The following PEAK1 variants were observed in gnomAD, a reference collection of about 807,000 sequenced individuals.
PEAK1 encodes inactive tyrosine-protein kinase PEAK1.
In PEAK1, 54 loss-of-function variants were observed where a neutral mutation model predicts 124.7. The observed-to-expected ratio is 0.43, with a 90% CI of 0.35 to 0.54. The LOEUF is 0.54. Among genes scored for constraint, PEAK1 ranks in the 20% least tolerant of loss-of-function variants. PEAK1 has a pLI of 0.01. For synonymous variants in PEAK1, 719 were observed against 760.0 expected (o/e 0.95, Z 0.89); for missense variants, 2,046 against 2,134.5 (o/e 0.96, Z 0.82).
chr15:77,381,893 A>G (rs1238446204), intron 1 of PEAK1, among the ~76,000 whole-genome samples: 1 of 152,194 alleles, frequency 6.6e-6, no homozygotes, highest in African/African-American at 2.4e-5. Flanking sequence ...AGTGGGACTA[A>G]AAGAAATGAG....
In PEAK1 at chr15:77,114,140, A is replaced by G; in HGVS notation, c.*16T>C. The G allele has an allele frequency of 1.2e-6, 2 of 1,606,488 alleles. No individual in the cohort carries two copies. Among genetic ancestry groups the G allele is most frequent in the African/African-American group, 1.3e-5 (1 of 74,908 alleles). ...AAGAAGGTGAAGATGTAGTAAAAGC[A>G]TCATCCAGGTACACATTAACGGTGC... On this transcript the variant is annotated 3_prime_UTR_variant, in exon 10 of 10. Transcript: ENST00000682557.
At chr15:77,398,025 A>G (rs2071045495) in intron 1 of PEAK1, among the ~76,000 whole-genome samples, 1 of 152,238 alleles carries the variant, frequency 6.6e-6, no homozygotes, top group Admixed American at 6.5e-5. Flanking sequence ...AGATCGTGCC[A>G]CTGCACTCCA....
At chr15:77,198,460 T>G (rs980699295) in intron 6 of PEAK1, among the ~76,000 whole-genome samples, 2 of 152,192 alleles carry the variant, frequency 1.3e-5, no homozygotes, top group African/African-American at 2.4e-5. Context: ...TTGCTTGTTA[T>G]GTACTGTAGT....
At chr15:77,119,772 G>A (rs2051743169) in intron 9 of PEAK1, among the ~76,000 whole-genome samples, 1 of 152,204 alleles carries the variant, frequency 6.6e-6, no homozygotes, top group African/African-American at 2.4e-5. Flanking sequence ...TGTTGCTCAT[G>A]ACAACTGCCC....
chr15:77,261,637 T>C (rs2061446436), intron 5 of PEAK1, among the ~76,000 whole-genome samples: 1 of 152,142 alleles, frequency 6.6e-6, no homozygotes, highest in Non-Finnish European at 1.5e-5. Flanking sequence ...ATCTGATTGG[T>C]GTACCTGAAA....
intron 1 of PEAK1, among the ~76,000 whole-genome samples, chr15:77,384,174 G>C (rs2069721233): frequency 6.6e-6 from 1 of 150,708 alleles, no homozygotes; most frequent in Non-Finnish European, 1.5e-5. Context: ...AACCTAGCTA[G>C]ATCTGAAATT....
At chr15:77,349,417 T>G in intron 2 of PEAK1, 2 of 979,230 alleles carry the variant, frequency 2.0e-6, no homozygotes, top group Non-Finnish European at 2.4e-6. Context: ...GTCAATCAGT[T>G]TAACATAAAA....
intron 2 of PEAK1, among the ~76,000 whole-genome samples, chr15:77,325,711 C>T (rs2065531524): frequency 6.6e-6 from 1 of 152,056 alleles, no homozygotes; most frequent in Admixed American, 6.6e-5. Context: ...TAATAATATA[C>T]AAACCAAATT....
At chr15:77,306,520 T>C (rs2064113578) in intron 2 of PEAK1, among the ~76,000 whole-genome samples, 1 of 152,192 alleles carries the variant, frequency 6.6e-6, no homozygotes, top group Non-Finnish European at 1.5e-5. Context: ...AGAATAGTTA[T>C]AATCACTTAA....
At chr15:77,140,759 G>C (rs1289887928) in intron 8 of PEAK1, among the ~76,000 whole-genome samples, 1 of 149,980 alleles carries the variant, frequency 6.7e-6, no homozygotes, top group Non-Finnish European at 1.5e-5. Context: ...TTCCCAGACA[G>C]GGTCTTCCTT....
chr15:77,402,618 G>A (rs913174110), intron 1 of PEAK1: 3 of 984,124 alleles, frequency 3.0e-6, no homozygotes, highest in East Asian at 1.1e-4. Flanking sequence ...GGTACAAAGT[G>A]GGGGCATATA....
At chr15:77,263,857 A>G (rs2061572134) in intron 5 of PEAK1, among the ~76,000 whole-genome samples, 1 of 152,194 alleles carries the variant, frequency 6.6e-6, no homozygotes, top group Admixed American at 6.5e-5. Context: ...AAAAATCCTC[A>G]ATAAAATACT....
chr15:77,317,120 C>G (rs2153010901), intron 2 of PEAK1, among the ~76,000 whole-genome samples: 1 of 151,970 alleles, frequency 6.6e-6, no homozygotes, highest in South Asian at 2.1e-4. Context: ...ATACGCACAG[C>G]AAATTCTCAT....
Position 77,348,634 on chromosome 15 carries a change from C to A in PEAK1, c.-603+16529G>T, listed in dbSNP as rs185991826. Reference sequence around the variant, plus strand: ...TTGCTTAATTCCTAAATGTGGTATACATTTTATAGAGCACTTTCATGTATA... The same window carrying A: ...TTGCTTAATTCCTAAATGTGGTATAAATTTTATAGAGCACTTTCATGTATA... On this transcript the variant is annotated intron_variant, in intron 2 of 9. Transcript: ENST00000682557. 3.0e-6 allele frequency: 3 copies of A among 984,550 alleles called. No homozygotes were observed. In the Admixed American group the frequency reaches 1.8e-4, roughly 60 times the overall value. The allele number at this position is 984,550 out of a possible 1,614,324, so 61.0% of individuals were successfully genotyped here.
chr15:77,212,940 T>C (rs1184475475), intron 6 of PEAK1, among the ~76,000 whole-genome samples: 1 of 152,160 alleles, frequency 6.6e-6, no homozygotes, highest in East Asian at 1.9e-4. Context: ...AAGTTCAGTG[T>C]TAGCAAAAGT....
At chr15:77,120,267 T>C (rs1234187702) in intron 9 of PEAK1, among the ~76,000 whole-genome samples, 1 of 152,194 alleles carries the variant, frequency 6.6e-6, no homozygotes, top group Non-Finnish European at 1.5e-5. Context: ...CACTACTGAC[T>C]TCCGTGTCTA....
intron 2 of PEAK1, chr15:77,346,138 T>C (rs542511931): frequency 1.8e-5 from 18 of 985,268 alleles, no homozygotes; most frequent in Non-Finnish European, 2.2e-5. Flanking sequence ...TTTTATAGAA[T>C]TGCCACTTTC....
intron 5 of PEAK1, among the ~76,000 whole-genome samples, chr15:77,273,356 C>T (rs1597047962): frequency 6.6e-6 from 1 of 152,058 alleles, no homozygotes; most frequent in East Asian, 1.9e-4. Flanking sequence ...TAATCATATA[C>T]CTAGAAAACC....
intron 6 of PEAK1, among the ~76,000 whole-genome samples, chr15:77,190,530 ACAGG>A: frequency 6.6e-6 from 1 of 152,264 alleles, no homozygotes; most frequent in Admixed American, 6.5e-5. Flanking sequence ...TAATGTAAAC[ACAGG>A]CAGGATCATT....
Sources: gnomAD v4.1 joint callset for allele counts (sites outside exome capture counted in the v4.1 genomes callset) on GRCh38, gnomAD v4.1.1 for gene constraint, MANE v1.5 for transcripts, NCBI Gene and HGNC (gene_info 2026-07-23, HGNC 2026-07-21) for gene names.